SIRT6: variants seen among roughly 807,000 people sequenced by gnomAD.
SIRT6 encodes the protein NAD-dependent protein deacylase sirtuin-6.
In SIRT6, 21 loss-of-function variants were observed where a neutral mutation model predicts 33.6. The observed-to-expected ratio is 0.62, with a 90% confidence interval of 0.44 to 0.90. The LOEUF is 0.90. SIRT6 is among the 40% of genes least tolerant of loss of function. SIRT6 has a pLI of 0.00. For synonymous variants in SIRT6, 221 were observed against 223.9 expected (o/e 0.99, Z 0.12); for missense variants, 504 against 510.6 (o/e 0.99, Z 0.12).
chr19:4,179,021 GA>G, intron 3 of SIRT6, 82 bp downstream of exon 3: 2 of 1,506,274 alleles, frequency 1.3e-6, no homozygotes, highest in Non-Finnish European at 9.0e-7. Flanking sequence ...ATAGAACCAG[GA>G]AAAGGGGACT....
Position 4,175,377 on chromosome 19 carries a change from T to C in SIRT6, c.615-226A>G. 1.4e-5 allele frequency: 9 copies of C among 664,944 alleles called. No individual in the cohort carries two copies. The South Asian group carries it at 1.8e-4, about 13-fold the overall frequency. 41.2% of individuals were successfully genotyped at this position (664,944 alleles called of 1,614,324 possible). ...TAGACACTTCCGGGGAGTATCACAG[T>C]GTGGTAAGAGCTTGGACACCTAGGG... On this transcript the variant is annotated intron_variant, in intron 6 of 7. Coordinates refer to ENST00000337491, the MANE Select transcript of SIRT6 (RefSeq NM_016539.4).
intron 6 of SIRT6, 126 bp from the exon 7 acceptor site, chr19:4,175,277 C>A (rs561394908): frequency 3.4e-4 from 451 of 1,314,690 alleles, no homozygotes; most frequent in Non-Finnish European, 4.4e-4. Flanking sequence ...AGCCCCACTC[C>A]CGAGTCAGCC....
At position 4,179,313 on chromosome 19, in the gene SIRT6, G is replaced by A. The variant is rs754189977; in HGVS notation, c.195-27C>T. ...TGAAGGTGGCAGGCCGGGAGAGATG[G>A]ACGGGGAGAGGGGAACAGAAAAAGA... On this transcript the variant is annotated intron_variant, in intron 2 of 7. Transcript: ENST00000337491. 7.0e-6 allele frequency: 11 copies of A among 1,562,694 alleles called. No homozygotes were observed. In the African/African-American group the frequency reaches 1.5e-4, roughly 21 times the overall value.
chr19:4,175,298 C>A, intron 6 of SIRT6, 147 bp from the exon 7 acceptor site: 1 of 1,114,066 alleles, frequency 9.0e-7, no homozygotes. Flanking sequence ...TTTGGGATCC[C>A]GCCCTGCCCT....
chr19:4,178,011 C>T (rs1040241658), intron 3 of SIRT6, among the ~76,000 whole-genome samples: 3 of 151,860 alleles, frequency 2.0e-5, no homozygotes, highest in African/African-American at 7.3e-5. Flanking sequence ...GCATAAGTCA[C>T]CACACCTGAC....
chr19:4,175,670 G>A lies in SIRT6; in HGVS notation c.614+10C>T. On this transcript the variant is annotated intron_variant, in intron 6 of 7. Coordinates refer to ENST00000337491, the MANE Select transcript of SIRT6 (RefSeq NM_016539.4). Reference sequence around the variant, plus strand: ...CCCACCATGGGCTCCCTGGGGGTGGGGGGTCAGACCTGCTGGCCTCATCGG... The same window carrying A: ...CCCACCATGGGCTCCCTGGGGGTGGAGGGTCAGACCTGCTGGCCTCATCGG... 6.6e-7 allele frequency: 1 copy of A among 1,512,180 alleles called. No individual in the cohort carries two copies. Among genetic ancestry groups the A allele is most frequent in the Non-Finnish European group, 8.9e-7 (1 of 1,129,482 alleles). The allele number at this position is 1,512,180 out of a possible 1,614,324, so 93.7% of individuals were successfully genotyped here.
chr19:4,181,034 C>A, intron 1 of SIRT6, 125 bp from the exon 2 acceptor site: 2 of 1,291,950 alleles, frequency 1.5e-6, no homozygotes, highest in East Asian at 2.6e-5. Flanking sequence ...GAAAAGGCAG[C>A]TTGTCCTCAT....
At position 4,180,763 on chromosome 19, in the gene SIRT6, C is replaced by CCCCTGCACAAT; in HGVS notation, c.194+8_194+18dup. ...AGCCTGGTAGGCCTTGCCTCGACTT[C>CCCCTGCACAAT]CCCTGCACAATCACAGACCTGAAGT... is the stretch of plus-strand genomic sequence containing the variant. On this transcript the variant is annotated intron_variant, in intron 2 of 7. Transcript: ENST00000337491. 6.3e-7 allele frequency: 1 copy of CCCCTGCACAAT among 1,598,526 alleles called. No individual in the cohort carries two copies. Among genetic ancestry groups the CCCCTGCACAAT allele is most frequent in the South Asian group, 1.1e-5 (1 of 89,024 alleles).
In SIRT6 at chr19:4,175,010, G is replaced by T; in HGVS notation, c.738+18C>A. ...GGGTGCATGGTGGCCCTGGGCAGGG[G>T]TAGGCTCAGACACCTACGTGCTTGG... On this transcript the variant is annotated intron_variant, in intron 7 of 7. Coordinates refer to ENST00000337491, the MANE Select transcript of SIRT6 (RefSeq NM_016539.4). 1 of 1,602,750 alleles carries T rather than the reference G, an allele frequency of 6.2e-7. No individual in the cohort carries two copies. Among genetic ancestry groups the T allele is most frequent in the Non-Finnish European group, 8.5e-7 (1 of 1,173,980 alleles).
Position 4,174,546 on chromosome 19 carries a change from C to A in SIRT6, c.*71G>T. On this transcript the variant is annotated 3_prime_UTR_variant, in exon 8 of 8. Coordinates refer to ENST00000337491, the MANE Select transcript of SIRT6 (RefSeq NM_016539.4). This position sits in a 1 kb window ranked among gnomAD's most constrained non-coding sequence, Gnocchi z 4.2. Reference sequence around the variant, plus strand: ...GGCTCCCGGGGACAGAAACAAGTAACAAAGTGAGACCACGAGAGAAAAAGA... The same window carrying A: ...GGCTCCCGGGGACAGAAACAAGTAAAAAAGTGAGACCACGAGAGAAAAAGA... The A allele has an allele frequency of 7.5e-7, 1 of 1,333,814 alleles. No homozygotes were observed. The highest frequency in any genetic ancestry group is 1.7e-5 in the South Asian group (1 of 58,016). 82.6% of individuals were successfully genotyped at this position (1,333,814 alleles called of 1,614,324 possible).
Position 4,181,297 on chromosome 19 carries a change from A to G in SIRT6, c.67-388T>C, listed in dbSNP as rs138672417. On this transcript the variant is annotated intron_variant, in intron 1 of 7. Coordinates refer to ENST00000337491, the MANE Select transcript of SIRT6 (RefSeq NM_016539.4). ...AGATACCCACATGGCTCCCTCCCTC[A>G]CCTCCTGTAACTTGTGGCTTAGATG... Among the ~76,000 whole-genome samples the G allele has an allele frequency of 9.4e-3, 1,419 of 151,552 alleles. 14 individuals carry two copies. The highest frequency in any genetic ancestry group is 0.013 in the Admixed American group (197 of 15,228).
Position 4,179,300 on chromosome 19 carries a change from G to A in SIRT6, c.195-14C>T. 1.3e-6 allele frequency: 2 copies of A among 1,583,372 alleles called. No individual in the cohort carries two copies. The highest frequency in any genetic ancestry group is 1.7e-6 in the Non-Finnish European group (2 of 1,163,460). Reference sequence around the variant, plus strand: ...CCGTGGGGACCCCTGAAGGTGGCAGGCCGGGAGAGATGGACGGGGAGAGGG... The same window carrying A: ...CCGTGGGGACCCCTGAAGGTGGCAGACCGGGAGAGATGGACGGGGAGAGGG... On this transcript the variant is annotated splice_polypyrimidine_tract_variant and intron_variant, in intron 2 of 7. Coordinates refer to ENST00000337491, the MANE Select transcript of SIRT6 (RefSeq NM_016539.4).
chr19:4,175,638 G>C, intron 6 of SIRT6, 42 bp downstream of exon 6: 1 of 1,450,210 alleles, frequency 6.9e-7, no homozygotes. Context: ...CTGTCGTCCC[G>C]CCCCGCCCCA....
At position 4,177,019 on chromosome 19, in the gene SIRT6, G is replaced by A. The variant is rs113645577; in HGVS notation, c.437+60C>T. The stretch of plus-strand genomic sequence containing the variant: ...ATACCCTCTGGGTCTCTGGGACATC[G>A]GATTCGACCCCCAACCCCCTCTGGC... On this transcript the variant is annotated intron_variant, in intron 4 of 7. Coordinates refer to ENST00000337491, the MANE Select transcript of SIRT6 (RefSeq NM_016539.4). The A allele has an allele frequency of 3.0e-4, 447 of 1,485,600 alleles. 2 individuals carry two copies. In the African/African-American group the frequency reaches 5.2e-3, roughly 17 times the overall value. The allele number at this position is 1,485,600 out of a possible 1,614,324, so 92.0% of individuals were successfully genotyped here. A position where few individuals can be genotyped will look rare whatever the true frequency, so the allele number is the denominator to read the frequency against.
At chr19:4,178,431 G>A (rs79149760) in intron 3 of SIRT6, among the ~76,000 whole-genome samples, 3,251 of 152,242 alleles carry the variant, frequency 0.021, 132 homozygotes, top group African/African-American at 0.075. Context: ...GTTGCCCCAG[G>A]GGTGAGACCT....
rs372645510 is a variant in SIRT6 at position 4,180,915 on chromosome 19, G to C, written c.67-6C>G. ...TCCTCCGGGGGGTCGAAGATCTGTG[G>C]GGGGAGAGAGCAGACGGAGGGGTCA... On this transcript the variant is annotated splice_region_variant and splice_polypyrimidine_tract_variant and intron_variant, in intron 1 of 7. Transcript: ENST00000337491. The C allele has an allele frequency of 6.8e-6, 11 of 1,608,180 alleles. No homozygotes were observed. The African/African-American group carries it at 1.1e-4, about 16-fold the overall frequency.
chr19:4,178,679 G>A (rs1216373423), intron 3 of SIRT6, among the ~76,000 whole-genome samples: 4 of 152,028 alleles, frequency 2.6e-5, no homozygotes, highest in Admixed American at 6.6e-5. Context: ...GAGAAACCCC[G>A]TCTCTACTAA....
intron 5 of SIRT6, 38 bp from the exon 6 acceptor site, chr19:4,175,798 C>G: frequency 6.4e-7 from 1 of 1,553,912 alleles, no homozygotes; most frequent in Non-Finnish European, 8.7e-7. Flanking sequence ...TCAGGGGCCT[C>G]GCAGCCTCCC....
Position 4,180,877 on chromosome 19 carries a change from C to G in SIRT6, c.99G>C (p.Lys33Asn). Residue 33 changes from lysine (K) to asparagine (N), a missense_variant, in exon 2 of 8, where the codon AAG (lysine) becomes AAC (asparagine). Coordinates refer to ENST00000337491, the MANE Select transcript of SIRT6 (RefSeq NM_016539.4). ...AGACCAGCCTCGCCAGTTCCCACAC[C>G]TTCCGCTCCAGCTCCTCCGGGGGGT... The part of the protein sequence containing the change: ...IFDPPEELER[K>N]VWELARLVWQ... 1.2e-6 allele frequency: 2 copies of G among 1,613,560 alleles called. No individual in the cohort carries two copies. The highest frequency in any genetic ancestry group is 1.7e-6 in the Non-Finnish European group (2 of 1,179,812).
Sources: allele counts gnomAD v4.1 joint callset (sites outside exome capture counted in the v4.1 genomes callset), GRCh38; gene constraint gnomAD v4.1.1; non-coding constraint Gnocchi (gnomAD v3.1); transcripts MANE v1.5; gene names NCBI Gene and HGNC (gene_info 2026-07-23, HGNC 2026-07-21).